LARGE1: variants seen among roughly 807,000 people sequenced by gnomAD.
LARGE1 encodes the protein LARGE xylosyl- and glucuronyltransferase 1.
In LARGE1, 43 loss-of-function variants were observed where a neutral mutation model predicts 87.6. That is an observed-to-expected ratio of 0.49 (90% CI 0.38 to 0.63). The LOEUF (loss-of-function observed/expected upper bound fraction) is 0.63. Ranked by LOEUF, LARGE1 falls within the 30% of genes least tolerant of loss-of-function variation. The pLI is 0.00. For missense variants in LARGE1, 802 were observed against 1,000.2 expected, an observed-to-expected ratio of 0.80 and a Z score of 2.67; for synonymous variants, 434 against 394.6, an observed-to-expected ratio of 1.10 and a Z score of -1.18.
chr22:33,766,588 C>A (rs1272571835), intron 1 of LARGE1, among the ~76,000 whole-genome samples: 10 of 152,052 alleles, frequency 6.6e-5, no homozygotes, highest in Admixed American at 6.5e-5. Context: ...CCACGTCCAG[C>A]TATTTTTTGT....
At chr22:33,731,104 G>T (rs542293959) in intron 2 of LARGE1, among the ~76,000 whole-genome samples, 1 of 150,504 alleles carries the variant, frequency 6.6e-6, no homozygotes, top group Non-Finnish European at 1.5e-5. Context: ...CCGGGTTCAC[G>T]CCATTCTCCT....
intron 6 of LARGE1, among the ~76,000 whole-genome samples, chr22:33,449,878 T>C (rs2067841396): frequency 6.6e-6 from 1 of 152,110 alleles, no homozygotes; most frequent in East Asian, 1.9e-4. Context: ...AACAGTCTGC[T>C]ATGTCTAAGG....
chr22:33,282,930 C>G (rs1050365326), intron 13 of LARGE1, among the ~76,000 whole-genome samples: 6 of 152,170 alleles, frequency 3.9e-5, no homozygotes, highest in African/African-American at 1.4e-4. Flanking sequence ...ATAAGCTAAA[C>G]CTTCCTACCC....
intron 2 of LARGE1, among the ~76,000 whole-genome samples, chr22:33,747,996 A>G (rs1357595245): frequency 7.7e-6 from 1 of 129,358 alleles, no homozygotes; most frequent in Non-Finnish European, 1.6e-5. Flanking sequence ...TGTGCCAGAA[A>G]TGGGGCACTG....
At chr22:33,716,451 CA>C (rs1244383673) in intron 2 of LARGE1, among the ~76,000 whole-genome samples, 5 of 152,100 alleles carry the variant, frequency 3.3e-5, no homozygotes, top group Non-Finnish European at 5.9e-5. Flanking sequence ...CACCCAAGCT[CA>C]AAAACAGTGG....
chr22:33,244,398 A>C (rs1926662404), intron 11 of LARGE1, among the ~76,000 whole-genome samples: 1 of 152,200 alleles, frequency 6.6e-6, no homozygotes, highest in Non-Finnish European at 1.5e-5. Flanking sequence ...AGATGAGGAA[A>C]CTGAGTCTCA....
intron 2 of LARGE1, among the ~76,000 whole-genome samples, chr22:33,731,645 CAG>C (rs10556968): frequency 0.088 from 13,464 of 152,190 alleles, 621 homozygotes; most frequent in African/African-American, 0.13. Flanking sequence ...CTGCAAAACA[CAG>C]AGCCTATAGT....
chr22:33,386,712 G>A (rs1354345526), intron 7 of LARGE1, among the ~76,000 whole-genome samples: 1 of 148,714 alleles, frequency 6.7e-6, no homozygotes, highest in Non-Finnish European at 1.5e-5. Flanking sequence ...TGTTGGGGGG[G>A]GTAGAAAGAA....
intron 11 of LARGE1, among the ~76,000 whole-genome samples, chr22:33,222,343 C>T (rs1041651086): frequency 3.3e-5 from 5 of 152,118 alleles, no homozygotes; most frequent in Non-Finnish European, 7.4e-5. Flanking sequence ...GTCTGCACTG[C>T]TGAGAAAGAA....
intron 6 of LARGE1, among the ~76,000 whole-genome samples, chr22:33,486,037 C>A (rs2069558554): frequency 6.6e-6 from 1 of 152,192 alleles, no homozygotes; most frequent in Non-Finnish European, 1.5e-5. Flanking sequence ...CAAGGACCAT[C>A]GCTCAGGACA....
At chr22:33,183,102 G>T (rs1024858768) in intron 11 of LARGE1, among the ~76,000 whole-genome samples, 4 of 151,560 alleles carry the variant, frequency 2.6e-5, no homozygotes, top group African/African-American at 9.7e-5. Flanking sequence ...ATAAATATAT[G>T]ATATATAAGA....
chr22:33,343,514 T>C (rs1454103347), intron 9 of LARGE1, among the ~76,000 whole-genome samples: 5 of 152,174 alleles, frequency 3.3e-5, no homozygotes, highest in Admixed American at 3.3e-4. Flanking sequence ...TTGAATGTGA[T>C]CATGGGATTA....
intron 7 of LARGE1, among the ~76,000 whole-genome samples, chr22:33,428,156 CA>C (rs923928090): frequency 6.6e-6 from 1 of 152,084 alleles, no homozygotes; most frequent in African/African-American, 2.4e-5. Context: ...CTCCTTTTTC[CA>C]GTCGGTAAAT....
chr22:33,668,385 A>G (rs1173531291), intron 2 of LARGE1, among the ~76,000 whole-genome samples: 2 of 152,168 alleles, frequency 1.3e-5, no homozygotes, highest in Admixed American at 6.5e-5. Flanking sequence ...TCCACTGAGC[A>G]CTTACCTTGT....
intron 6 of LARGE1, among the ~76,000 whole-genome samples, chr22:33,518,663 C>T (rs2071422022): frequency 6.6e-6 from 1 of 152,132 alleles, no homozygotes; most frequent in Non-Finnish European, 1.5e-5. Flanking sequence ...GGCCCTTCTC[C>T]CCTAGTGTTG....
intron 1 of LARGE1, among the ~76,000 whole-genome samples, chr22:33,867,108 G>A (rs2064128455): frequency 6.6e-6 from 1 of 152,134 alleles, no homozygotes; most frequent in African/African-American, 2.4e-5. Context: ...GTGGGGAGGA[G>A]GCTCAATAAT....
intron 5 of LARGE1, among the ~76,000 whole-genome samples, chr22:33,570,425 G>A (rs1212955373): frequency 6.6e-6 from 1 of 151,956 alleles, no homozygotes; most frequent in Non-Finnish European, 1.5e-5. Flanking sequence ...TGAGGCAGGC[G>A]GATCATGAGG....
chr22:33,412,422 T>C (rs1414694755), intron 7 of LARGE1, among the ~76,000 whole-genome samples: 2 of 152,112 alleles, frequency 1.3e-5, no homozygotes, highest in African/African-American at 4.8e-5. Flanking sequence ...AGTCCCACCA[T>C]GGCAGATTTC....
At chr22:33,336,043 C>T (rs896430458) in intron 10 of LARGE1, among the ~76,000 whole-genome samples, 21 of 152,106 alleles carry the variant, frequency 1.4e-4, no homozygotes, top group Admixed American at 1.2e-3. Flanking sequence ...ATGTTTGCTG[C>T]CTAAAGGAAT....
Sources: gnomAD v4.1 joint callset for allele counts (sites outside exome capture counted in the v4.1 genomes callset) on GRCh38, gnomAD v4.1.1 for gene constraint, MANE v1.5 for transcripts, NCBI Gene and HGNC (gene_info 2026-07-23, HGNC 2026-07-21) for gene names.